MAGI1: variants seen among roughly 807,000 people sequenced by gnomAD.
MAGI1 encodes the protein membrane associated guanylate kinase, WW and PDZ domain containing 1, also known as membrane-associated guanylate kinase, WW and PDZ domain-containing protein 1.
In MAGI1, 58 loss-of-function variants were observed where a neutral mutation model predicts 139.9. That is an observed-to-expected ratio of 0.41 (90% CI 0.34 to 0.52). The LOEUF is 0.52. MAGI1 is among the 20% of genes least tolerant of loss of function. MAGI1 has a pLI of 0.12. For synonymous variants in MAGI1, 812 were observed against 737.9 expected (o/e 1.10, Z -1.63); for missense variants, 1,874 against 1,901.6 (o/e 0.99, Z 0.27).
intron 1 of MAGI1, among the ~76,000 whole-genome samples, chr3:65,867,669 C>G (rs2059777998): frequency 6.6e-6 from 1 of 152,132 alleles, no homozygotes; most frequent in Non-Finnish European, 1.5e-5. Context: ...GGGAGAATTA[C>G]ATGAGCCTAG....
intron 1 of MAGI1, among the ~76,000 whole-genome samples, chr3:65,777,702 G>A (rs1008300328): frequency 4.0e-5 from 6 of 151,398 alleles, no homozygotes; most frequent in African/African-American, 7.3e-5. Flanking sequence ...AAATATGTTC[G>A]GTCTCCTAAA....
chr3:66,011,979 A>G (rs2067344427), intron 1 of MAGI1, among the ~76,000 whole-genome samples: 1 of 152,174 alleles, frequency 6.6e-6, no homozygotes, highest in African/African-American at 2.4e-5. Context: ...AAAGGGCAAT[A>G]GGATACCCAA....
intron 1 of MAGI1, among the ~76,000 whole-genome samples, chr3:65,854,433 T>C (rs2059306849): frequency 6.6e-6 from 1 of 152,194 alleles, no homozygotes; most frequent in Non-Finnish European, 1.5e-5. Context: ...AATAGGTGCA[T>C]GAGGCAATAA....
intron 12 of MAGI1, among the ~76,000 whole-genome samples, chr3:65,422,391 A>T (rs1429997946): frequency 6.6e-6 from 1 of 152,166 alleles, no homozygotes; most frequent in African/African-American, 2.4e-5. Context: ...CAGAGCACAC[A>T]GCTATGGCAA....
intron 1 of MAGI1, among the ~76,000 whole-genome samples, chr3:65,715,282 T>G (rs1001082218): frequency 2.6e-5 from 4 of 152,228 alleles, no homozygotes; most frequent in Non-Finnish European, 4.4e-5. Flanking sequence ...ACAACAATTA[T>G]AGTTTTTGCA....
At chr3:65,960,859 G>C (rs549088666) in intron 1 of MAGI1, among the ~76,000 whole-genome samples, 2 of 152,108 alleles carry the variant, frequency 1.3e-5, no homozygotes, top group East Asian at 1.9e-4. Flanking sequence ...TCTGAGAAAA[G>C]AGTTGAAATA....
intron 3 of MAGI1, among the ~76,000 whole-genome samples, chr3:65,483,015 C>G (rs1381871591): frequency 6.6e-6 from 1 of 152,266 alleles, no homozygotes; most frequent in Non-Finnish European, 1.5e-5. Flanking sequence ...CCATCTAGAA[C>G]AGTGCCCTCA....
At chr3:65,371,897 C>A (rs1559503325) in intron 18 of MAGI1, 5 of 448,544 alleles carry the variant, frequency 1.1e-5, no homozygotes, top group Non-Finnish European at 2.2e-5. Flanking sequence ...AATTCTACTT[C>A]TCTTGCTATT....
At chr3:65,895,524 CA>C (rs2108594657) in intron 1 of MAGI1, among the ~76,000 whole-genome samples, 1 of 152,312 alleles carries the variant, frequency 6.6e-6, no homozygotes, top group Admixed American at 6.5e-5. Flanking sequence ...CCTTTGTCTT[CA>C]AACAATAATC....
intron 2 of MAGI1, among the ~76,000 whole-genome samples, chr3:65,618,347 G>A (rs1051345180): frequency 2.0e-5 from 3 of 151,876 alleles, no homozygotes; most frequent in South Asian, 2.1e-4. Flanking sequence ...AAGATCTAAT[G>A]GAAAATAAGA....
At chr3:65,535,224 A>C (rs1295119722) in intron 2 of MAGI1, among the ~76,000 whole-genome samples, 4 of 152,284 alleles carry the variant, frequency 2.6e-5, no homozygotes, top group African/African-American at 9.6e-5. Context: ...TCATTAAAAC[A>C]ATTTTCCTTT....
At chr3:65,941,342 G>A (rs942390172) in intron 1 of MAGI1, among the ~76,000 whole-genome samples, 1 of 147,668 alleles carries the variant, frequency 6.8e-6, no homozygotes, top group Non-Finnish European at 1.5e-5. Context: ...GCAAGACTCC[G>A]TCTCAAAAAA....
At chr3:65,869,638 G>T (rs1448127350) in intron 1 of MAGI1, among the ~76,000 whole-genome samples, 1 of 151,984 alleles carries the variant, frequency 6.6e-6, no homozygotes, top group Admixed American at 6.6e-5. Flanking sequence ...CTGACTTTGT[G>T]ATCCGCCCAC....
intron 2 of MAGI1, among the ~76,000 whole-genome samples, chr3:65,561,819 G>A (rs528623980): frequency 6.6e-6 from 1 of 152,066 alleles, no homozygotes; most frequent in Non-Finnish European, 1.5e-5. Context: ...GCAGAAATAC[G>A]CAACTCAACT....
chr3:65,706,699 A>G (rs17073533), intron 1 of MAGI1, among the ~76,000 whole-genome samples: 28,466 of 152,068 alleles, frequency 0.19, 3,245 homozygotes, highest in African/African-American at 0.32. Context: ...GCAAAGGTCC[A>G]GAGACAAAGC....
intron 12 of MAGI1, among the ~76,000 whole-genome samples, chr3:65,423,081 A>G (rs1396458161): frequency 6.6e-6 from 1 of 152,168 alleles, no homozygotes; most frequent in Non-Finnish European, 1.5e-5. Context: ...GTTTGAGTAC[A>G]CTGAGAAGGG....
rs113447702 is a variant in MAGI1, at chr3:65,474,612, T to TATACAC, written c.757+3979_757+3980insGTGTAT. Among the ~76,000 whole-genome samples, 54 of 150,754 alleles carry TATACAC rather than the reference T, an allele frequency of 3.6e-4. No homozygotes were observed. The South Asian group carries it at 5.9e-3, about 16-fold the overall frequency. On this transcript the variant is annotated intron_variant, in intron 4 of 22. Transcript: ENST00000402939. ...TAAATCAGAAGCTTCCAAGCTTTTATACACACACACACACACACACATGCA... is the reference window on the plus strand; with the variant it reads ...TAAATCAGAAGCTTCCAAGCTTTTATATACACACACACACACACACACACACATGCA...
chr3:65,387,204 C>T (rs189599108), intron 14 of MAGI1: 23 of 1,613,914 alleles, frequency 1.4e-5, no homozygotes, highest in East Asian at 1.3e-4. Context: ...TGCTCAATCC[C>T]GACGCAGGTG....
At chr3:65,520,719 T>TA in intron 2 of MAGI1, among the ~76,000 whole-genome samples, 1 of 152,258 alleles carries the variant, frequency 6.6e-6, no homozygotes, top group Non-Finnish European at 1.5e-5. Context: ...CAAAAAGAGT[T>TA]ATAGTCCCAG....
Sources: gnomAD v4.1 joint callset for allele counts (sites outside exome capture counted in the v4.1 genomes callset) on GRCh38, gnomAD v4.1.1 for gene constraint, MANE v1.5 for transcripts, NCBI Gene and HGNC (gene_info 2026-07-23, HGNC 2026-07-21) for gene names.